FBXL17: variants seen among roughly 807,000 people sequenced by gnomAD.
The protein encoded by FBXL17 is F-box/LRR-repeat protein 17.
Under a neutral mutation model 66.2 loss-of-function variants are expected in FBXL17, and 22 were observed. The ratio of observed to expected loss-of-function variants is 0.33; its 90% confidence interval spans 0.24 to 0.47. The LOEUF (loss-of-function observed/expected upper bound fraction) is 0.47. Among genes scored for constraint, FBXL17 ranks in the 20% least tolerant of loss-of-function variants. The pLI is 1.00. For missense variants in FBXL17, 878 were observed against 948.2 expected, an observed-to-expected ratio of 0.93 and a Z score of 0.97; for synonymous variants, 474 against 400.5, an observed-to-expected ratio of 1.18 and a Z score of -2.19.
At chr5:108,036,695 C>T (rs547871206) in intron 6 of FBXL17, among the ~76,000 whole-genome samples, 45 of 152,186 alleles carry the variant, frequency 3.0e-4, no homozygotes, top group Non-Finnish European at 4.9e-4. Flanking sequence ...CTGACTTTTC[C>T]GGCTACCATT....
chr5:107,958,043 T>C (rs900552474), intron 7 of FBXL17, among the ~76,000 whole-genome samples: 4 of 151,984 alleles, frequency 2.6e-5, no homozygotes, highest in Non-Finnish European at 2.9e-5. Context: ...AAGGTCTAAG[T>C]TGAAATAGTT....
rs560355608 is a variant in FBXL17, at chr5:107,881,692, G to A, written c.1823-513C>T. On this transcript the variant is annotated intron_variant, in intron 7 of 8. Coordinates refer to ENST00000542267, the MANE Select transcript of FBXL17 (RefSeq NM_001163315.3). ...AGTATAAAATATTTTTCACATTAGCGCTTCTTGGGACTGTTAGGAATTAAG... is the reference window on the plus strand; with the variant it reads ...AGTATAAAATATTTTTCACATTAGCACTTCTTGGGACTGTTAGGAATTAAG... Among the ~76,000 whole-genome samples the A allele has an allele frequency of 9.2e-5, 14 of 152,156 alleles. No homozygotes were observed. In the South Asian group the frequency reaches 2.1e-3, roughly 23 times the overall value.
At chr5:108,293,718 A>C (rs1758216494) in intron 4 of FBXL17, among the ~76,000 whole-genome samples, 1 of 152,130 alleles carries the variant, frequency 6.6e-6, no homozygotes, top group Non-Finnish European at 1.5e-5. Context: ...ATTTAAGAAC[A>C]TTATTAATAA....
At chr5:107,947,362 G>A (rs984064352) in intron 7 of FBXL17, among the ~76,000 whole-genome samples, 2 of 152,240 alleles carry the variant, frequency 1.3e-5, no homozygotes, top group African/African-American at 2.4e-5. Flanking sequence ...AGGTGCCTGA[G>A]TTTCTTCTGA....
At chr5:108,251,013 GTTAT>G (rs78554152) in intron 4 of FBXL17, among the ~76,000 whole-genome samples, 24,788 of 151,628 alleles carry the variant, frequency 0.16, 2,164 homozygotes, top group South Asian at 0.33. Context: ...GCCTATTTTT[GTTAT>G]TTGTTTTGTT....
intron 6 of FBXL17, among the ~76,000 whole-genome samples, chr5:108,107,539 A>G (rs892702941): frequency 1.2e-4 from 19 of 152,154 alleles, no homozygotes; most frequent in South Asian, 4.2e-4. Context: ...TCGGCCAGGC[A>G]CGGTGGCTCA....
chr5:108,157,376 T>G (rs1752035415), intron 6 of FBXL17, among the ~76,000 whole-genome samples: 1 of 152,004 alleles, frequency 6.6e-6, no homozygotes, highest in Non-Finnish European at 1.5e-5. Context: ...AAATCACTAC[T>G]AAATTACATT....
At chr5:108,152,773 A>G (rs1349723983) in intron 6 of FBXL17, among the ~76,000 whole-genome samples, 1 of 152,234 alleles carries the variant, frequency 6.6e-6, no homozygotes, top group Non-Finnish European at 1.5e-5. Context: ...ATACAGGATT[A>G]CCATATTTAG....
intron 4 of FBXL17, among the ~76,000 whole-genome samples, chr5:108,246,075 C>G (rs1403353628): frequency 1.3e-5 from 2 of 152,204 alleles, no homozygotes; most frequent in African/African-American, 2.4e-5. Context: ...TTTCCTCTAA[C>G]TACAGGAATT....
chr5:108,332,651 A>C (rs1760177115), intron 4 of FBXL17, among the ~76,000 whole-genome samples: 1 of 152,102 alleles, frequency 6.6e-6, no homozygotes, highest in South Asian at 2.1e-4. Flanking sequence ...TCTGTCAACC[A>C]GGCTGGAGTG....
intron 7 of FBXL17, among the ~76,000 whole-genome samples, chr5:108,012,930 G>T (rs140673191): frequency 6.8e-6 from 1 of 147,756 alleles, no homozygotes; most frequent in South Asian, 2.1e-4. Context: ...CAGGAGAATC[G>T]CTTGAACCTG....
chr5:108,203,770 TA>T (rs1753996785), intron 5 of FBXL17, among the ~76,000 whole-genome samples: 1 of 152,250 alleles, frequency 6.6e-6, no homozygotes, highest in Admixed American at 6.5e-5. Context: ...TTTGAAAATT[TA>T]AAAGGCAAGA....
At chr5:107,900,204 G>A (rs1749526736) in intron 7 of FBXL17, among the ~76,000 whole-genome samples, 1 of 152,042 alleles carries the variant, frequency 6.6e-6, no homozygotes. Context: ...GATTCAGTTG[G>A]TCTTTTAGTA....
intron 6 of FBXL17, among the ~76,000 whole-genome samples, chr5:108,042,675 T>C (rs1430048607): frequency 6.6e-6 from 1 of 152,250 alleles, no homozygotes; most frequent in Non-Finnish European, 1.5e-5. Flanking sequence ...AAAGGACAGT[T>C]ATTTCCAGGT....
chr5:108,230,609 T>C (rs745642013), intron 4 of FBXL17, among the ~76,000 whole-genome samples: 11 of 151,900 alleles, frequency 7.2e-5, no homozygotes, highest in Admixed American at 1.3e-4. Flanking sequence ...AGACTACATA[T>C]TGGGTTCAGT....
intron 6 of FBXL17, among the ~76,000 whole-genome samples, chr5:108,073,074 A>G (rs1052976769): frequency 6.6e-6 from 1 of 152,194 alleles, no homozygotes; most frequent in Non-Finnish European, 1.5e-5. Context: ...CAGAAAGGCT[A>G]TATTTTAACA....
At chr5:107,875,038 A>T (rs139348954) in intron 8 of FBXL17, among the ~76,000 whole-genome samples, 9 of 151,592 alleles carry the variant, frequency 5.9e-5, no homozygotes, top group Non-Finnish European at 8.8e-5. Flanking sequence ...ACAACAGAGG[A>T]CTGCACAGTC....
At chr5:107,965,629 G>A (rs143022982) in intron 7 of FBXL17, among the ~76,000 whole-genome samples, 32 of 152,178 alleles carry the variant, frequency 2.1e-4, no homozygotes, top group Non-Finnish European at 4.7e-4. Flanking sequence ...ATGTTAGATA[G>A]AATGTTTCTC....
At chr5:108,176,106 T>C (rs1198744250) in intron 6 of FBXL17, among the ~76,000 whole-genome samples, 1 of 152,206 alleles carries the variant, frequency 6.6e-6, no homozygotes, top group Non-Finnish European at 1.5e-5. Context: ...TAAGGTATCA[T>C]CATTTTCATC....
Sources: gnomAD v4.1 joint callset for allele counts (sites outside exome capture counted in the v4.1 genomes callset) on GRCh38, gnomAD v4.1.1 for gene constraint, MANE v1.5 for transcripts, NCBI Gene and HGNC (gene_info 2026-07-23, HGNC 2026-07-21) for gene names.